Variants in CBL observed in about 807,000 individuals in gnomAD.
The protein encoded by CBL is Cbl proto-oncogene.
A neutral mutation model predicts 96.9 loss-of-function variants in CBL; 45 were observed. The ratio of observed to expected loss-of-function variants is 0.46; its 90% CI spans 0.37 to 0.60. CBL has a LOEUF of 0.60. Among genes scored for constraint, CBL ranks in the 20% least tolerant of loss-of-function variants. The probability of loss-of-function intolerance (pLI) is 0.00; values close to 1 mark genes in which losing one functional copy is unlikely to be tolerated. For missense variants in CBL, 1,024 were observed against 1,143.5 expected (o/e 0.90, Z 1.51); for synonymous variants, 420 against 426.8 (o/e 0.98, Z 0.20).
At chr11:119,290,213 T>G (rs1170060280) in intron 12 of CBL, among the ~76,000 whole-genome samples, 2 of 151,710 alleles carry the variant, frequency 1.3e-5, no homozygotes, top group African/African-American at 4.8e-5. Context: ...ACTCAGCTAA[T>G]TTTTGCATTT....
chr11:119,244,612 C>A (rs900246276), intron 2 of CBL, among the ~76,000 whole-genome samples: 2 of 81,990 alleles, frequency 2.4e-5, no homozygotes, highest in Non-Finnish European at 4.8e-5. Flanking sequence ...GACGGAGTCT[C>A]GCTCTGTCGC....
chr11:119,270,089 G>T (rs73566769), intron 2 of CBL, among the ~76,000 whole-genome samples: 2,141 of 152,158 alleles, frequency 0.014, 49 homozygotes, highest in African/African-American at 0.048. Context: ...AAATAGACAC[G>T]TATTCAGTAG....
At position 119,298,435 on chromosome 11, in the gene CBL, C is replaced by T; in HGVS notation, c.2329C>T (p.Pro777Ser). 6.2e-7 allele frequency: 1 copy of T among 1,614,138 alleles called. No homozygotes were observed. The highest frequency in any genetic ancestry group is 8.5e-7 in the Non-Finnish European group (1 of 1,180,016). ...SENEDDGYDV[P>S]KPPVPAVLAR... is the part of the protein sequence containing the mutation. Reference sequence around the variant, plus strand: ...AAATGAGGATGATGGGTATGATGTCCCAAAGCCACCTGTGCCGGCCGTGCT... The same window carrying T: ...AAATGAGGATGATGGGTATGATGTCTCAAAGCCACCTGTGCCGGCCGTGCT... The change falls in exon 15 of 16, where the codon CCA (proline) becomes TCA (serine). Residue 777 changes from proline (P) to serine (S), a missense_variant. Physicochemically the swap from Pro to Ser is moderately conservative, Grantham distance 74. Coordinates refer to ENST00000264033, the MANE Select transcript of CBL (RefSeq NM_005188.4).
chr11:119,294,195 AAGGT>A (rs1373820746), intron 12 of CBL, among the ~76,000 whole-genome samples: 26 of 151,254 alleles, frequency 1.7e-4, no homozygotes, highest in South Asian at 6.3e-4. Flanking sequence ...TTGGGAGGCC[AAGGT>A]GGGTGGACCA....
Position 119,299,689 on chromosome 11 carries a change from G to A in CBL, c.2629G>A (p.Ala877Thr), listed in dbSNP as rs1477997244. The A allele has an allele frequency of 6.2e-7, 1 of 1,614,202 alleles. No individual in the cohort carries two copies. The highest frequency in any genetic ancestry group is 8.5e-7 in the Non-Finnish European group (1 of 1,180,028). The part of the protein sequence containing the change: ...QGYSYQDIQK[A>T]LVIAQNNIEM... ...GTACTCCTACCAGGACATCCAGAAAGCTTTGGTCATTGCCCAGAACAACAT... is the reference window on the plus strand; with the variant it reads ...GTACTCCTACCAGGACATCCAGAAAACTTTGGTCATTGCCCAGAACAACAT... The change falls in exon 16 of 16, where the codon GCT becomes ACT. Residue 877 changes from alanine (A) to threonine (T), a missense_variant. Coordinates refer to ENST00000264033, the MANE Select transcript of CBL (RefSeq NM_005188.4).
intron 2 of CBL, among the ~76,000 whole-genome samples, chr11:119,242,828 T>C (rs571012418): frequency 2.0e-4 from 30 of 151,170 alleles, no homozygotes; most frequent in African/African-American, 6.8e-4. Flanking sequence ...AAATGGCAAA[T>C]CTACTTTTTT....
At chr11:119,251,902 A>C (rs967301541) in intron 2 of CBL, among the ~76,000 whole-genome samples, 1 of 152,202 alleles carries the variant, frequency 6.6e-6, no homozygotes, top group Non-Finnish European at 1.5e-5. Flanking sequence ...AAATTAGGAC[A>C]TCTTAAAGAA....
chr11:119,289,665 C>T (rs1950011027), intron 12 of CBL: 1 of 151,930 alleles, frequency 6.6e-6, no homozygotes, highest in Non-Finnish European at 1.5e-5. Context: ...GTATGAGCTG[C>T]TGAAGTGAGC....
intron 2 of CBL, among the ~76,000 whole-genome samples, chr11:119,269,522 G>A (rs1015703974): frequency 6.6e-6 from 1 of 151,908 alleles, no homozygotes; most frequent in Non-Finnish European, 1.5e-5. Flanking sequence ...GATTTCAATA[G>A]CATTTTTCGA....
intron 1 of CBL, among the ~76,000 whole-genome samples, chr11:119,216,337 G>GT (rs1565854830): frequency 3.6e-5 from 5 of 138,890 alleles, no homozygotes; most frequent in South Asian, 5.4e-4. Flanking sequence ...TGGACTTATT[G>GT]TAATTTATTT....
chr11:119,215,671 A>G (rs936798125), intron 1 of CBL, among the ~76,000 whole-genome samples: 1 of 148,300 alleles, frequency 6.7e-6, no homozygotes, highest in African/African-American at 2.5e-5. Context: ...AACTGTCTCA[A>G]AAAAAAAAAG....
chr11:119,303,018 G>A lies in CBL; in HGVS notation c.*3237G>A. The A allele has an allele frequency of 4.4e-6, 1 of 229,518 alleles. No homozygotes were observed. Among genetic ancestry groups the A allele is most frequent in the Non-Finnish European group, 8.7e-6 (1 of 115,582 alleles). 14.2% of individuals were successfully genotyped at this position (229,518 alleles called of 1,614,324 possible). A position where few individuals can be genotyped will look rare whatever the true frequency, so the allele number is the denominator to read the frequency against. Reference sequence around the variant, plus strand: ...TAGATTTAAAAGATTTCTGGTTAAGGGAGGTGGGGGTCACTGTTCATCACT... The same window carrying A: ...TAGATTTAAAAGATTTCTGGTTAAGAGAGGTGGGGGTCACTGTTCATCACT... On this transcript the variant is annotated 3_prime_UTR_variant, in exon 16 of 16. Transcript: ENST00000264033.
chr11:119,264,455 CTCTTCTCTTT>C (rs1253661236), intron 2 of CBL, among the ~76,000 whole-genome samples: 8 of 139,386 alleles, frequency 5.7e-5, no homozygotes, highest in Non-Finnish European at 7.8e-5. Context: ...CTCTTCTCTT[CTCTTCTCTTT>C]TCTTCTTTTC....
At chr11:119,208,824 A>G (rs1949295463) in intron 1 of CBL, among the ~76,000 whole-genome samples, 2 of 152,172 alleles carry the variant, frequency 1.3e-5, no homozygotes, top group Admixed American at 1.3e-4. Context: ...TCCTTCATCT[A>G]TTTAAAGTAT....
At chr11:119,251,230 G>A (rs1366244674) in intron 2 of CBL, among the ~76,000 whole-genome samples, 1 of 152,116 alleles carries the variant, frequency 6.6e-6, no homozygotes, top group Non-Finnish European at 1.5e-5. Context: ...TGTATTCATT[G>A]TGGAGCTAAA....
intron 12 of CBL, 84 bp from the exon 13 acceptor site, chr11:119,296,834 G>A: frequency 1.3e-6 from 1 of 743,260 alleles, no homozygotes; most frequent in Non-Finnish European, 2.4e-6. Flanking sequence ...TTTGAGTTAT[G>A]TCTGTTTTTA....
intron 2 of CBL, among the ~76,000 whole-genome samples, chr11:119,236,875 G>T (rs1329135328): frequency 6.6e-6 from 1 of 151,996 alleles, no homozygotes; most frequent in Non-Finnish European, 1.5e-5. Context: ...GTATATAGTT[G>T]TCCCCCTTTA....
At chr11:119,212,508 C>A (rs1437746022) in intron 1 of CBL, among the ~76,000 whole-genome samples, 1 of 151,606 alleles carries the variant, frequency 6.6e-6, no homozygotes, top group Non-Finnish European at 1.5e-5. Context: ...TCCCTATAAT[C>A]CCAGCTACTC....
intron 2 of CBL, among the ~76,000 whole-genome samples, chr11:119,260,223 CTT>C (rs68034047): frequency 9.8e-5 from 14 of 143,512 alleles, no homozygotes; most frequent in South Asian, 2.2e-4. Flanking sequence ...GGCTTAGCTT[CTT>C]TTTTTTTTTT....
Sources: gnomAD v4.1 joint callset for allele counts (sites outside exome capture counted in the v4.1 genomes callset) on GRCh38, gnomAD v4.1.1 for gene constraint, MANE v1.5 for transcripts, NCBI Gene and HGNC (gene_info 2026-07-23, HGNC 2026-07-21) for gene names.